GRM3: variants seen among roughly 807,000 people sequenced by gnomAD.
GRM3 encodes the protein metabotropic glutamate receptor 3.
In GRM3, 26 loss-of-function variants were observed where a neutral mutation model predicts 70.5. The ratio of observed to expected loss-of-function variants is 0.37; its 90% confidence interval spans 0.27 to 0.51. The LOEUF is 0.51. Ranked by LOEUF, GRM3 falls within the 20% of genes least tolerant of loss-of-function variation. The probability of loss-of-function intolerance (pLI) is 0.93; values close to 1 mark genes in which losing one functional copy is unlikely to be tolerated. For missense variants in GRM3, 859 were observed against 1,123.8 expected, an observed-to-expected ratio of 0.76 and a Z score of 3.37; for synonymous variants, 443 against 434.9, an observed-to-expected ratio of 1.02 and a Z score of -0.23.
chr7:86,683,899 T>C (rs1199399479), intron 1 of GRM3, among the ~76,000 whole-genome samples: 1 of 152,194 alleles, frequency 6.6e-6, no homozygotes, highest in East Asian at 1.9e-4. Context: ...GTTTATATGG[T>C]ATCCTACAAG....
chr7:86,695,090 G>A (rs773232445), intron 1 of GRM3, among the ~76,000 whole-genome samples: 4 of 152,086 alleles, frequency 2.6e-5, no homozygotes, highest in Non-Finnish European at 5.9e-5. Flanking sequence ...TAAAATAAAG[G>A]AGTCCATAAA....
chr7:86,755,634 C>T (rs916634409), intron 1 of GRM3, among the ~76,000 whole-genome samples: 2 of 152,060 alleles, frequency 1.3e-5, no homozygotes, highest in African/African-American at 4.8e-5. Flanking sequence ...TGTGTGCCAG[C>T]TGGGTTTAAG....
At chr7:86,810,439 T>C (rs889119347) in intron 3 of GRM3, among the ~76,000 whole-genome samples, 31 of 152,016 alleles carry the variant, frequency 2.0e-4, no homozygotes, top group African/African-American at 7.0e-4. Flanking sequence ...ATATACCTCA[T>C]GTCATCGGGA....
At chr7:86,810,487 GGT>G (rs1342423601) in intron 3 of GRM3, among the ~76,000 whole-genome samples, 1 of 151,874 alleles carries the variant, frequency 6.6e-6, no homozygotes, top group East Asian at 1.9e-4. Context: ...AAAATAACAA[GGT>G]AATCTTATGT....
chr7:86,779,868 T>C (rs1021663317), intron 2 of GRM3, among the ~76,000 whole-genome samples: 2 of 152,178 alleles, frequency 1.3e-5, no homozygotes, highest in Non-Finnish European at 1.5e-5. Context: ...TGGTGGCAGA[T>C]ATTTAATAAC....
At position 86,864,363 on chromosome 7, in the gene GRM3, T is replaced by C. The variant is rs757120355; in HGVS notation, c.*8T>C. On this transcript the variant is annotated 3_prime_UTR_variant, in exon 6 of 6. Coordinates refer to ENST00000361669, the MANE Select transcript of GRM3 (RefSeq NM_000840.3). ...ACCACCTCATCTCTGTGATTGTGAA[T>C]TGCAGTTCAGTTCTTGTGTTTTTAG... The C allele has an allele frequency of 2.4e-5, 39 of 1,604,590 alleles. No individual in the cohort carries two copies. The highest frequency in any genetic ancestry group is 9.4e-6 in the Non-Finnish European group (11 of 1,171,502).
intron 1 of GRM3, among the ~76,000 whole-genome samples, chr7:86,698,055 A>G (rs1179068433): frequency 2.6e-5 from 4 of 152,174 alleles, no homozygotes; most frequent in Non-Finnish European, 4.4e-5. Context: ...CTGAGCTACA[A>G]TGTTGTCTAT....
At chr7:86,791,413 A>G (rs927815543) in intron 3 of GRM3, among the ~76,000 whole-genome samples, 3 of 152,196 alleles carry the variant, frequency 2.0e-5, no homozygotes, top group Admixed American at 2.0e-4. Context: ...TTTTAGTTAT[A>G]TTCTATCATT....
At chr7:86,816,253 A>G (rs1798012078) in intron 3 of GRM3, among the ~76,000 whole-genome samples, 1 of 151,946 alleles carries the variant, frequency 6.6e-6, no homozygotes, top group Non-Finnish European at 1.5e-5. Flanking sequence ...TTGCCTTTCA[A>G]CAAACATTCC....
At chr7:86,723,442 T>C (rs1206093964) in intron 1 of GRM3, among the ~76,000 whole-genome samples, 1 of 152,176 alleles carries the variant, frequency 6.6e-6, no homozygotes, top group Non-Finnish European at 1.5e-5. Context: ...ATGGGCCTGA[T>C]ACTCATTTCT....
At chr7:86,704,965 T>A (rs1320110421) in intron 1 of GRM3, among the ~76,000 whole-genome samples, 1 of 151,904 alleles carries the variant, frequency 6.6e-6, no homozygotes, top group Non-Finnish European at 1.5e-5. Flanking sequence ...TCTTTAATCT[T>A]GAGAATGGTG....
intron 1 of GRM3, among the ~76,000 whole-genome samples, chr7:86,646,651 G>A (rs998310152): frequency 3.2e-4 from 48 of 152,062 alleles, no homozygotes; most frequent in African/African-American, 1.2e-3. Flanking sequence ...TATGAGTTAG[G>A]CCCTTACCAG....
intron 2 of GRM3, chr7:86,776,137 T>C (rs917755784): frequency 1.3e-5 from 2 of 152,168 alleles, no homozygotes; most frequent in Non-Finnish European, 2.9e-5. Flanking sequence ...ACCCTCTCTA[T>C]TGCTTCTTGA....
At chr7:86,660,758 A>T (rs1793872712) in intron 1 of GRM3, among the ~76,000 whole-genome samples, 1 of 152,018 alleles carries the variant, frequency 6.6e-6, no homozygotes, top group South Asian at 2.1e-4. Context: ...ATTAATTTTG[A>T]TAGTAAAAAT....
rs140932708 is a variant in GRM3 at position 86,714,578 on chromosome 7, C to T, written c.-140-50428C>T. Among the ~76,000 whole-genome samples the T allele has an allele frequency of 2.1e-3, 322 of 152,102 alleles. 1 individual carries two copies. Among genetic ancestry groups the T allele is most frequent in the African/African-American group, 7.5e-3 (310 of 41,532 alleles). ...AGAATATAATACATCTTTTTAAATA[C>T]TACACTATGCTGTTAAGTAATTGAC... is the stretch of plus-strand genomic sequence containing the variant. On this transcript the variant is annotated intron_variant, in intron 1 of 5. Transcript: ENST00000361669.
At chr7:86,664,689 G>A (rs574764788) in intron 1 of GRM3, among the ~76,000 whole-genome samples, 1 of 151,980 alleles carries the variant, frequency 6.6e-6, no homozygotes, top group East Asian at 1.9e-4. Context: ...AGTACAGCTT[G>A]CACAAGGCTG....
intron 2 of GRM3, chr7:86,784,679 A>G (rs1453114807): frequency 6.6e-6 from 1 of 152,192 alleles, no homozygotes; most frequent in African/African-American, 2.4e-5. Flanking sequence ...AGAAATAAAT[A>G]ATATATTAGC....
At chr7:86,841,393 G>A (rs915948417) in intron 4 of GRM3, among the ~76,000 whole-genome samples, 16 of 152,258 alleles carry the variant, frequency 1.1e-4, no homozygotes, top group African/African-American at 2.6e-4. Context: ...AGAGCTGATC[G>A]GCAAAGTCAA....
chr7:86,662,466 G>T (rs928138709), intron 1 of GRM3, among the ~76,000 whole-genome samples: 1 of 151,374 alleles, frequency 6.6e-6, no homozygotes, highest in Admixed American at 6.6e-5. Context: ...TAATGAGCAG[G>T]GCATATTACC....
Sources: allele counts gnomAD v4.1 joint callset (sites outside exome capture counted in the v4.1 genomes callset), GRCh38; gene constraint gnomAD v4.1.1; transcripts MANE v1.5; gene names NCBI Gene and HGNC (gene_info 2026-07-23, HGNC 2026-07-21).